Variants in FOXP1 observed in about 807,000 individuals in gnomAD.
FOXP1 encodes forkhead box P1.
Under a neutral mutation model 98.2 loss-of-function variants are expected in FOXP1, and 15 were observed. The observed-to-expected ratio is 0.15, with a 90% CI of 0.10 to 0.24. FOXP1 has a LOEUF of 0.24. FOXP1 is among the 10% of genes least tolerant of loss of function. The probability of loss-of-function intolerance (pLI) is 1.00; values close to 1 mark genes in which losing one functional copy is unlikely to be tolerated. For missense variants in FOXP1, 633 were observed against 848.5 expected (o/e 0.75, Z 3.15); for synonymous variants, 371 against 314.5 (o/e 1.18, Z -1.90).
At chr3:70,977,560 G>A in intron 16 of FOXP1, 83 bp downstream of exon 16, 1 of 1,227,520 alleles carries the variant, frequency 8.1e-7, no homozygotes, top group Non-Finnish European at 1.2e-6. Context: ...ATACTAAACG[G>A]TTTTTAAATC....
At chr3:71,105,544 A>C (rs1367424488) in intron 7 of FOXP1, among the ~76,000 whole-genome samples, 4 of 151,430 alleles carry the variant, frequency 2.6e-5, no homozygotes, top group South Asian at 2.1e-4. Context: ...GAGCACTCTT[A>C]ATTACATGTG....
At chr3:71,182,956 T>TATGTAATTATATGTAA (rs2108292150) in intron 6 of FOXP1, among the ~76,000 whole-genome samples, 1 of 152,254 alleles carries the variant, frequency 6.6e-6, no homozygotes, top group Non-Finnish European at 1.5e-5. Flanking sequence ...TATGATAATT[T>TATGTAATTATATGTAA]TTAAAGTAAT....
At position 71,198,456 on chromosome 3, in the gene FOXP1, G is replaced by A. The variant is rs78495442; in HGVS notation, c.-11-64C>T. The A allele has an allele frequency of 7.9e-3, 11,006 of 1,399,460 alleles. 865 individuals carry two copies. In the African/African-American group the frequency reaches 0.14, roughly 18 times the overall value. The allele number at this position is 1,399,460 out of a possible 1,614,324, so 86.7% of individuals were successfully genotyped here. On this transcript the variant is annotated intron_variant, in intron 5 of 20. Coordinates refer to ENST00000649528, the MANE Select transcript of FOXP1 (RefSeq NM_001349338.3). The stretch of plus-strand genomic sequence containing the variant: ...GGAGAAAAAAAAAGCAGCTGTTAAA[G>A]CAGTTGTTGTGCATAAGGAGAAGGG...
intron 5 of FOXP1, among the ~76,000 whole-genome samples, chr3:71,232,924 GGTTCTCTACA>G (rs2066440048): frequency 8.1e-6 from 1 of 123,000 alleles, no homozygotes; most frequent in Non-Finnish European, 1.8e-5. Context: ...CAGGTGCAGT[GGTTCTCTACA>G]ATACTACTAC....
intron 5 of FOXP1, among the ~76,000 whole-genome samples, chr3:71,267,124 A>AGAGTGTGTGTGTGTGT (rs142661368): frequency 0.012 from 1,847 of 148,360 alleles, 19 homozygotes; most frequent in Non-Finnish European, 0.019. Flanking sequence ...TATGGGAGAG[A>AGAGTGTGTGTGTGTGT]GTGTGTGTGT....
At chr3:71,580,811 C>G (rs558244757) in intron 2 of FOXP1, 3 of 985,410 alleles carry the variant, frequency 3.0e-6, no homozygotes, top group Non-Finnish European at 3.6e-6. Context: ...CTTAAGTCTA[C>G]GTACAACCAA....
At chr3:71,425,446 G>A (rs1477538872) in intron 3 of FOXP1, among the ~76,000 whole-genome samples, 1 of 152,120 alleles carries the variant, frequency 6.6e-6, no homozygotes, top group African/African-American at 2.4e-5. Flanking sequence ...TCTTAATACA[G>A]ACTCTGGTTT....
intron 6 of FOXP1, among the ~76,000 whole-genome samples, chr3:71,117,004 T>C (rs1208068241): frequency 6.6e-6 from 1 of 152,268 alleles, no homozygotes; most frequent in African/African-American, 2.4e-5. Flanking sequence ...AGATGATGAC[T>C]TGATAGCCAT....
Position 71,268,215 on chromosome 3 carries a change from C to T in FOXP1, c.-12+31605G>A, listed in dbSNP as rs376731748. ...ACGCCATTCTCCTGCCTCAGACTCC[C>T]GAGTAGCTGGGACTATAGGCGCCCG... is the stretch of plus-strand genomic sequence containing the variant. On this transcript the variant is annotated intron_variant, in intron 5 of 20. Coordinates refer to ENST00000649528, the MANE Select transcript of FOXP1 (RefSeq NM_001349338.3). 3.5e-3 allele frequency among the ~76,000 whole-genome samples: 535 copies of T among 151,172 alleles called. 1 individual carries two copies. Among genetic ancestry groups the T allele is most frequent in the African/African-American group, 0.012 (494 of 41,222 alleles).
At chr3:71,399,504 C>T (rs2081803693) in intron 3 of FOXP1, among the ~76,000 whole-genome samples, 1 of 152,160 alleles carries the variant, frequency 6.6e-6, no homozygotes, top group Non-Finnish European at 1.5e-5. Context: ...GTTCTAAAAT[C>T]CTATGCATTT....
chr3:71,456,069 C>T (rs536388763), intron 3 of FOXP1, among the ~76,000 whole-genome samples: 1 of 152,080 alleles, frequency 6.6e-6, no homozygotes, highest in South Asian at 2.1e-4. Context: ...CATGCCAAAC[C>T]GAGGGAAAGG....
intron 5 of FOXP1, among the ~76,000 whole-genome samples, chr3:71,232,897 G>T (rs781413527): frequency 1.1e-4 from 3 of 28,084 alleles, no homozygotes; most frequent in Non-Finnish European, 2.4e-4. Flanking sequence ...AAAAAAAAAA[G>T]CAAGAAAAAT....
At chr3:71,226,245 G>A (rs1295349482) in intron 5 of FOXP1, among the ~76,000 whole-genome samples, 1 of 152,194 alleles carries the variant, frequency 6.6e-6, no homozygotes, top group African/African-American at 2.4e-5. Flanking sequence ...TTAGGAACTG[G>A]TGTGTCTTGC....
intron 6 of FOXP1, among the ~76,000 whole-genome samples, chr3:71,146,393 G>T (rs2060307121): frequency 6.6e-6 from 1 of 151,914 alleles, no homozygotes; most frequent in Non-Finnish European, 1.5e-5. Flanking sequence ...GCCAGCACTT[G>T]GAAAACACAC....
At chr3:71,281,654 G>C (rs1028265250) in intron 5 of FOXP1, among the ~76,000 whole-genome samples, 4 of 152,190 alleles carry the variant, frequency 2.6e-5, no homozygotes, top group Non-Finnish European at 5.9e-5. Context: ...TCATGTTAGA[G>C]CCAATGAACC....
chr3:71,581,874 T>G (rs2048200356), intron 1 of FOXP1, 177 bp from the exon 2 acceptor site: 5 of 984,190 alleles, frequency 5.1e-6, no homozygotes, highest in Non-Finnish European at 6.0e-6. Flanking sequence ...AGGGAATCCC[T>G]GCAAGGATCC....
intron 5 of FOXP1, among the ~76,000 whole-genome samples, chr3:71,298,942 T>C (rs1230867322): frequency 6.6e-6 from 1 of 152,228 alleles, no homozygotes; most frequent in East Asian, 1.9e-4. Flanking sequence ...AACCTGTTTT[T>C]AGACAGACAC....
intron 6 of FOXP1, among the ~76,000 whole-genome samples, chr3:71,123,352 G>A (rs759975220): frequency 3.3e-5 from 5 of 152,128 alleles, no homozygotes; most frequent in Admixed American, 6.6e-5. Flanking sequence ...TCTCTCGCAC[G>A]CTGTGTTTTC....
intron 1 of FOXP1, chr3:71,582,925 G>A: frequency 2.1e-6 from 1 of 485,406 alleles, no homozygotes; most frequent in Non-Finnish European, 2.7e-6. Context: ...CAGTCAGTTT[G>A]CTGGGGCCCG....
Sources: gnomAD v4.1 joint callset for allele counts (sites outside exome capture counted in the v4.1 genomes callset) on GRCh38, gnomAD v4.1.1 for gene constraint, MANE v1.5 for transcripts, NCBI Gene and HGNC (gene_info 2026-07-23, HGNC 2026-07-21) for gene names.